Variants in BCAR1 observed in about 807,000 individuals in gnomAD.
BCAR1 encodes the protein breast cancer anti-estrogen resistance protein 1.
A neutral mutation model predicts 67.6 loss-of-function variants in BCAR1; 30 were observed. The observed-to-expected ratio is 0.44, with a 90% CI of 0.33 to 0.60. BCAR1 has a LOEUF of 0.60. BCAR1 is among the 20% of genes least tolerant of loss of function. The probability of loss-of-function intolerance (pLI) is 0.02; values close to 1 mark genes in which losing one functional copy is unlikely to be tolerated. For missense variants in BCAR1, 1,313 were observed against 1,222.3 expected (o/e 1.07, Z -1.11); for synonymous variants, 626 against 556.7 (o/e 1.12, Z -1.75).
upstream of BCAR1, among the ~76,000 whole-genome samples, chr16:75,255,637 G>A (rs1463477562): frequency 1.3e-5 from 2 of 151,554 alleles, no homozygotes; most frequent in Non-Finnish European, 2.9e-5. Context: ...GAAGCAGTGA[G>A]CTGAGATCAC....
At chr16:75,232,141 C>A (rs1411269694) in intron 6 of BCAR1, among the ~76,000 whole-genome samples, 2 of 151,136 alleles carry the variant, frequency 1.3e-5, no homozygotes, top group African/African-American at 4.9e-5. Flanking sequence ...GCCTCGGCAC[C>A]CAGGAGGTTT....
chr16:75,245,055 G>A lies in BCAR1; in HGVS notation c.13-1965C>T, dbSNP rs115771035. Among the ~76,000 whole-genome samples, 642 of 152,364 alleles carry A rather than the reference G, an allele frequency of 4.2e-3. 3 individuals carry two copies. The highest frequency in any genetic ancestry group is 0.014 in the African/African-American group (592 of 41,592). On this transcript the variant is annotated intron_variant, in intron 1 of 6. Transcript: ENST00000162330. ...TATGTCCCAGGCTCTGAGGCAGGAC[G>A]GGACAGGCAGTGCGGCAGGTCTAGG...
intron 1 of BCAR1, chr16:75,247,771 G>C (rs1419730046): frequency 4.2e-6 from 2 of 473,330 alleles, no homozygotes; most frequent in East Asian, 3.8e-5. Flanking sequence ...CTCTCTGCCA[G>C]GCCTGGCTCA....
At chr16:75,267,196 A>T (rs1276994652) in intron 1 of BCAR1, among the ~76,000 whole-genome samples, 1 of 152,142 alleles carries the variant, frequency 6.6e-6, no homozygotes, top group East Asian at 1.9e-4. Context: ...ATGAGGTATG[A>T]GAGAAAGAGG....
chr16:75,237,489 A>G lies in BCAR1; in HGVS notation c.634-145T>C, dbSNP rs1597200334. On this transcript the variant is annotated intron_variant, in intron 2 of 6. Transcript: ENST00000162330. ...GGGCTCCCCAAGGATGCCAGTTCTC[A>G]CCCCCTCTGCACCATCTGACCTTCC... 4 of 995,112 alleles carry G rather than the reference A, an allele frequency of 4.0e-6. No homozygotes were observed. The South Asian group carries it at 6.8e-5, about 17-fold the overall frequency. 61.6% of individuals were successfully genotyped at this position (995,112 alleles called of 1,614,324 possible).
intron 1 of BCAR1, among the ~76,000 whole-genome samples, chr16:75,257,128 T>TCCTGG (rs1281383455): frequency 1.3e-5 from 2 of 152,150 alleles, no homozygotes; most frequent in African/African-American, 4.8e-5. Flanking sequence ...TGCCCAGCTC[T>TCCTGG]CCACTGACTG....
At chr16:75,240,626 T>C (rs2151429708) in intron 2 of BCAR1, among the ~76,000 whole-genome samples, 1 of 152,360 alleles carries the variant, frequency 6.6e-6, no homozygotes, top group South Asian at 2.1e-4. Flanking sequence ...ATCTCCAGAC[T>C]TTCCCATACA....
At chr16:75,262,472 A>G (rs1026821463) in intron 1 of BCAR1, among the ~76,000 whole-genome samples, 1 of 152,232 alleles carries the variant, frequency 6.6e-6, no homozygotes, top group Non-Finnish European at 1.5e-5. Context: ...TGAACGAGGC[A>G]GCTGGCTGGA....
At chr16:75,236,636 T>G (rs1597192365) in intron 4 of BCAR1, 2 of 651,062 alleles carry the variant, frequency 3.1e-6, no homozygotes. Context: ...CGTGGTCACC[T>G]TGCGGATACC....
At chr16:75,267,315 C>T (rs1365151998) in intron 1 of BCAR1, among the ~76,000 whole-genome samples, 3 of 151,410 alleles carry the variant, frequency 2.0e-5, no homozygotes, top group Admixed American at 2.0e-4. Context: ...GAGTGGGGTT[C>T]CCAACTGTGC....
rs535962145 is a variant in BCAR1, at chr16:75,240,838, C to T, written c.633+1632G>A. On this transcript the variant is annotated intron_variant, in intron 2 of 6. Coordinates refer to ENST00000162330, the MANE Select transcript of BCAR1 (RefSeq NM_014567.5). ...CCAGTGGGCATGGGCAGAGAAGGAC[C>T]CAGCTGGCTGAGCCCCTGATGCAAT... is the stretch of plus-strand genomic sequence containing the variant. 3.9e-5 allele frequency among the ~76,000 whole-genome samples: 6 copies of T among 152,328 alleles called. No individual in the cohort carries two copies. The East Asian group carries it at 1.2e-3, about 29-fold the overall frequency.
At position 75,228,373 on chromosome 16, in the gene BCAR1, T is replaced by C. The variant is rs1398764819; in HGVS notation, c.*1138A>G. 6.6e-6 allele frequency: 1 copy of C among 152,106 alleles called. No homozygotes were observed. Among genetic ancestry groups the C allele is most frequent in the East Asian group, 1.9e-4 (1 of 5,138 alleles). The allele number at this position is 152,106 out of a possible 1,614,324, so 9.4% of individuals were successfully genotyped here. A position where few individuals can be genotyped will look rare whatever the true frequency, so the allele number is the denominator to read the frequency against. On this transcript the variant is annotated 3_prime_UTR_variant, in exon 7 of 7. Coordinates refer to ENST00000162330, the MANE Select transcript of BCAR1 (RefSeq NM_014567.5). ...ATGGGGAAACCAAGGCCCATGTTCA[T>C]ATGCAGAACGGTCAGGGCTGGGAGC... is the stretch of plus-strand genomic sequence containing the variant.
chr16:75,245,946 T>A (rs924654341), intron 1 of BCAR1: 1 of 144,714 alleles, frequency 6.9e-6, no homozygotes. Context: ...ATGACAGCCC[T>A]CATTTCATAG....
chr16:75,228,552 TG>T lies in BCAR1; in HGVS notation c.*958del, dbSNP rs2076783008. ...TGCCAGGTCCAGGTATAATTCCATG[TG>T]CACTTCGGGAGTTCCGCAGGCTGGG... is the stretch of plus-strand genomic sequence containing the variant. On this transcript the variant is annotated 3_prime_UTR_variant, in exon 7 of 7. Transcript: ENST00000162330. The T allele has an allele frequency of 6.6e-6, 1 of 152,378 alleles. No individual in the cohort carries two copies. Among genetic ancestry groups the T allele is most frequent in the African/African-American group, 2.4e-5 (1 of 41,480 alleles). The allele number at this position is 152,378 out of a possible 1,614,324, so 9.4% of individuals were successfully genotyped here.
At chr16:75,236,018 T>C (rs2077119327) in intron 4 of BCAR1, 32 bp from the exon 5 acceptor site, 4 of 1,540,152 alleles carry the variant, frequency 2.6e-6, no homozygotes, top group South Asian at 1.2e-5. Flanking sequence ...AGACTGTCCA[T>C]CTGTCCATCT....
At position 75,241,679 on chromosome 16, in the gene BCAR1, T is replaced by A. The variant is rs565748761; in HGVS notation, c.633+791A>T. Among the ~76,000 whole-genome samples, 5 of 152,316 alleles carry A rather than the reference T, an allele frequency of 3.3e-5. No homozygotes were observed. The South Asian group carries it at 1.0e-3, about 32-fold the overall frequency. ...ACGACCTCCGGCCATGCCTCCTGGG[T>A]ACCAGGCCACCCATGGGCGGGGGTG... is the stretch of plus-strand genomic sequence containing the variant. On this transcript the variant is annotated intron_variant, in intron 2 of 6. Coordinates refer to ENST00000162330, the MANE Select transcript of BCAR1 (RefSeq NM_014567.5).
rs1567629905 is a variant in BCAR1 at position 75,267,401 on chromosome 16, GGGGT to G, written c.66+510_66+513del. Among the ~76,000 whole-genome samples, 623 of 132,400 alleles carry G rather than the reference GGGGT, an allele frequency of 4.7e-3. 25 individuals carry two copies. Among genetic ancestry groups the G allele is most frequent in the African/African-American group, 0.016 (584 of 36,924 alleles). The allele number at this position is 132,400 out of a possible 152,430, so 86.9% of individuals were successfully genotyped here. A position where few individuals can be genotyped will look rare whatever the true frequency, so the allele number is the denominator to read the frequency against. ...AGCAGGGCCACAGCAAGCCGGGGGG[GGGGT>G]GGGGGGCCTGGACCGACAGCTGCCA... On this transcript the variant is annotated intron_variant, in intron 1 of 6. Coordinates refer to the BCAR1 transcript ENST00000393422.
chr16:75,266,019 G>T, intron 1 of BCAR1: 4 of 1,026,900 alleles, frequency 3.9e-6, no homozygotes, highest in Non-Finnish European at 4.6e-6. Context: ...CGCCGCCCGC[G>T]CCGCCCCCCC....
chr16:75,242,314 A>AC (rs1380765577), intron 2 of BCAR1, among the ~76,000 whole-genome samples, 156 bp downstream of exon 2: 2 of 151,688 alleles, frequency 1.3e-5, no homozygotes, highest in Non-Finnish European at 2.9e-5. Flanking sequence ...ACAAATGAAC[A>AC]CCCCCCAAAC....
Sources: gnomAD v4.1 joint callset for allele counts (sites outside exome capture counted in the v4.1 genomes callset) on GRCh38, gnomAD v4.1.1 for gene constraint, MANE v1.5 for transcripts, NCBI Gene and HGNC (gene_info 2026-07-23, HGNC 2026-07-21) for gene names.